ATAD3B: variants seen among roughly 807,000 people sequenced by gnomAD.
ATAD3B encodes ATPase family AAA domain containing 3B.
In ATAD3B, 59 loss-of-function variants were observed where a neutral mutation model predicts 70.2. The ratio of observed to expected loss-of-function variants is 0.84; its 90% confidence interval spans 0.68 to 1.04. The LOEUF (loss-of-function observed/expected upper bound fraction) is 1.04, where lower values mean the gene tolerates loss of function less well. Ranked by LOEUF, ATAD3B falls within the 50% of genes least tolerant of loss-of-function variation. ATAD3B has a pLI of 0.00. For missense variants in ATAD3B, 961 were observed against 913.4 expected, an observed-to-expected ratio of 1.05 and a Z score of -0.67; for synonymous variants, 423 against 388.6, an observed-to-expected ratio of 1.09 and a Z score of -1.04.
rs1186777719 is a variant in ATAD3B, at chr1:1,481,942, TGGGCCGGTCCGTGGTGC to T, written c.515-190_515-174del. ...CCACGGCATGGGCCTGTCTGTGGCGTGGGCCGGTCCGTGGTGCGGGCCTGTCCGTGGCCTTAGCCTGT... is the reference window on the plus strand; with the variant it reads ...CCACGGCATGGGCCTGTCTGTGGCGTGGGCCTGTCCGTGGCCTTAGCCTGT... On this transcript the variant is annotated intron_variant, in intron 5 of 15. Transcript: ENST00000673477. 9.7e-4 allele frequency among the ~76,000 whole-genome samples: 136 copies of T among 139,614 alleles called. 1 individual carries two copies. The highest frequency in any genetic ancestry group is 4.0e-3 in the African/African-American group (130 of 32,164). The allele number at this position is 139,614 out of a possible 152,430, so 91.6% of individuals were successfully genotyped here.
At position 1,482,215 on chromosome 1, in the gene ATAD3B, A is replaced by G; in HGVS notation, c.592A>G (p.Lys198Glu). The change falls in exon 6 of 16, where the codon AAG becomes GAG. Residue 198 changes from lysine (K) to glutamate (E), a missense_variant. By Grantham distance (56) the Lys-to-Glu change is moderately conservative. Transcript: ENST00000673477. ...GGAGACCGAGGCCCGGGCGCGCGCC[A>G]AGGCCGAGCGGGAGAATGCAGACAT... is the stretch of plus-strand genomic sequence containing the variant. ...RVETEARARA[K>E]AERENADIIR... 6.2e-7 allele frequency: 1 copy of G among 1,611,318 alleles called. No homozygotes were observed. The highest frequency in any genetic ancestry group is 2.2e-5 in the East Asian group (1 of 44,856).
At chr1:1,509,219 C>G in the ATAD3B span, 2 of 1,612,916 alleles carry the variant, frequency 1.2e-6, no homozygotes, top group Middle Eastern at 1.7e-4. Flanking sequence ...CGGCGTATGC[C>G]TCCGAGGACG....
intron 2 of ATAD3B, chr1:1,478,344 G>C: frequency 1.5e-6 from 2 of 1,323,658 alleles, no homozygotes; most frequent in Non-Finnish European, 2.0e-6. Flanking sequence ...CCTCATCACA[G>C]TCCAAAAGTG....
In ATAD3B at chr1:1,497,667, C is replaced by G. The variant is rs542756708; in HGVS notation, c.*1850C>G. 1 of 150,924 alleles carries G rather than the reference C, an allele frequency of 6.6e-6. No homozygotes were observed. Among genetic ancestry groups the G allele is most frequent in the African/African-American group, 2.5e-5 (1 of 40,712 alleles). The allele number at this position is 150,924 out of a possible 1,614,324, so 9.3% of individuals were successfully genotyped here. A position where few individuals can be genotyped will look rare whatever the true frequency, so the allele number is the denominator to read the frequency against. ...GAATCATGAGGTCAGGAGTTTGAGA[C>G]CATCCTGGCTAACGTGGCAAAACCC... On this transcript the variant is annotated 3_prime_UTR_variant, in exon 16 of 16. Coordinates refer to ENST00000673477, the MANE Select transcript of ATAD3B (RefSeq NM_031921.6).
chr1:1,483,616 A>G (rs1174334900), intron 7 of ATAD3B: 2 of 157,908 alleles, frequency 1.3e-5, no homozygotes, highest in African/African-American at 4.8e-5. Context: ...TACTAAAAAT[A>G]CAAAAATTGG....
chr1:1,500,745 A>C (rs9439435), downstream of ATAD3B, among the ~76,000 whole-genome samples: 50,873 of 150,810 alleles, frequency 0.34, 16,379 homozygotes, highest in African/African-American at 0.82. Flanking sequence ...CGAGGTCAGG[A>C]GATCGAGACC....
chr1:1,506,888 C>T, the ATAD3B span, among the ~76,000 whole-genome samples: 25 of 151,310 alleles, frequency 1.7e-4, no homozygotes, highest in South Asian at 8.4e-4. Context: ...CTTGGGTTCA[C>T]GCCATTCTCC....
the ATAD3B span, among the ~76,000 whole-genome samples, chr1:1,502,916 A>G: frequency 6.6e-6 from 1 of 151,464 alleles, no homozygotes; most frequent in Non-Finnish European, 1.5e-5. Context: ...TCTAATATAT[A>G]TATATATAAA....
intron 1 of ATAD3B, among the ~76,000 whole-genome samples, chr1:1,473,262 C>T (rs1639424787): frequency 6.6e-6 from 1 of 150,674 alleles, no homozygotes; most frequent in African/African-American, 2.4e-5. Flanking sequence ...GCCTCAGCCT[C>T]CCGAATAGCT....
chr1:1,502,729 C>T (rs1287041094), downstream of ATAD3B, among the ~76,000 whole-genome samples: 3 of 133,650 alleles, frequency 2.2e-5, no homozygotes, highest in African/African-American at 8.4e-5. Flanking sequence ...CAAGGCTGGT[C>T]GCGAACTCCT....
downstream of ATAD3B, among the ~76,000 whole-genome samples, chr1:1,499,846 G>C (rs1640906787): frequency 6.7e-6 from 1 of 150,352 alleles, no homozygotes; most frequent in African/African-American, 2.5e-5. Context: ...CACCCACCTC[G>C]GCCTCCCGAA....
downstream of ATAD3B, among the ~76,000 whole-genome samples, chr1:1,500,821 G>A (rs1300216786): frequency 6.6e-6 from 1 of 151,526 alleles, no homozygotes; most frequent in Non-Finnish European, 1.5e-5. Context: ...GCCGGGCGTG[G>A]TAGCAGGTGC....
rs1557437507 is a variant in ATAD3B at position 1,496,936 on chromosome 1, TG to T, written c.*1123del. 2 of 138,208 alleles carry T rather than the reference TG, an allele frequency of 1.4e-5. No homozygotes were observed. The highest frequency in any genetic ancestry group is 3.0e-5 in the Non-Finnish European group (2 of 67,206). The allele number at this position is 138,208 out of a possible 1,614,324, so 8.6% of individuals were successfully genotyped here. A position where few individuals can be genotyped will look rare whatever the true frequency, so the allele number is the denominator to read the frequency against. ...GGAAACCTTTGCTTTGGGGGCAGGGTGGGGTGCAGGGGTGGTTGGGGGAATC... is the reference window on the plus strand; with the variant it reads ...GGAAACCTTTGCTTTGGGGGCAGGGTGGGTGCAGGGGTGGTTGGGGGAATC... On this transcript the variant is annotated 3_prime_UTR_variant, in exon 16 of 16. Coordinates refer to ENST00000673477, the MANE Select transcript of ATAD3B (RefSeq NM_031921.6).
intron 13 of ATAD3B, chr1:1,490,048 G>C: frequency 7.1e-7 from 1 of 1,405,384 alleles, no homozygotes; most frequent in Non-Finnish European, 9.2e-7. Flanking sequence ...AGAGGCCCGA[G>C]AAGCCGGGCG....
intron 1 of ATAD3B, among the ~76,000 whole-genome samples, 158 bp from the exon 2 acceptor site, chr1:1,477,116 C>T (rs1639632472): frequency 6.6e-6 from 1 of 151,902 alleles, no homozygotes; most frequent in South Asian, 2.1e-4. Context: ...TTCAAGCCAT[C>T]CTCCCACCTG....
chr1:1,482,123 G>A lies in ATAD3B; in HGVS notation c.515-15G>A, dbSNP rs819969. On this transcript the variant is annotated splice_polypyrimidine_tract_variant and intron_variant, in intron 5 of 15. Transcript: ENST00000673477. ...GCACTGCATGGTGCTGAGCTGCCCT[G>A]CCTCTCTGGGGCAGCCACCGTGGAG... 916 of 1,603,824 alleles carry A rather than the reference G, an allele frequency of 5.7e-4. 8 individuals are homozygous for A. The African/African-American group carries it at 8.5e-3, about 15-fold the overall frequency.
chr1:1,484,063 C>G (rs563521862), intron 7 of ATAD3B: 1 of 152,236 alleles, frequency 6.6e-6, no homozygotes, highest in Admixed American at 6.6e-5. Context: ...AGGCCAGAGC[C>G]TGGGCACAAA....
Position 1,471,949 on chromosome 1 carries a change from T to G in ATAD3B, c.65T>G (p.Leu22Trp). The G allele has an allele frequency of 8.1e-7, 1 of 1,237,672 alleles. No individual in the cohort carries two copies. The highest frequency in any genetic ancestry group is 1.0e-6 in the Non-Finnish European group (1 of 985,662). 76.7% of individuals were successfully genotyped at this position (1,237,672 alleles called of 1,614,324 possible). A position where few individuals can be genotyped will look rare whatever the true frequency, so the allele number is the denominator to read the frequency against. Residue 22 changes from leucine to tryptophan, a missense_variant, in exon 1 of 16, where the codon TTG becomes TGG. Physicochemically the swap from Leu to Trp is moderately conservative, Grantham distance 61 (BLOSUM62 -2). Coordinates refer to ENST00000673477, the MANE Select transcript of ATAD3B (RefSeq NM_031921.6). ...GAAGGCGCGGGGCCGCCGCCGCCTT[T>G]GCCGCCCGCGCAGCCCGGGGCCGAG... is the stretch of plus-strand genomic sequence containing the variant. ...KGEGAGPPPP[L>W]PPAQPGAEGG...
In ATAD3B at chr1:1,482,793, A is replaced by G. The variant is rs3979436; in HGVS notation, c.750+179A>G. The G allele has an allele frequency of 2.8e-5, 28 of 1,006,696 alleles. No individual in the cohort carries two copies. In the Admixed American group the frequency reaches 2.9e-4, roughly 10 times the overall value. 62.4% of individuals were successfully genotyped at this position (1,006,696 alleles called of 1,614,324 possible). On this transcript the variant is annotated intron_variant, in intron 7 of 15. Coordinates refer to ENST00000673477, the MANE Select transcript of ATAD3B (RefSeq NM_031921.6). The stretch of plus-strand genomic sequence containing the variant: ...CTCCTCCCTCCTTGAGCTGGGAGAA[A>G]AAAATGCAGTTGCCAGCCTGGGCCA...
Sources: gnomAD v4.1 joint callset for allele counts (sites outside exome capture counted in the v4.1 genomes callset) on GRCh38, gnomAD v4.1.1 for gene constraint, MANE v1.5 for transcripts, NCBI Gene and HGNC (gene_info 2026-07-23, HGNC 2026-07-21) for gene names.